The following CUX1 variants were observed in gnomAD, a reference collection of about 807,000 sequenced individuals.
CUX1 encodes the protein protein CASP.
In CUX1, 31 loss-of-function variants were observed where a neutral mutation model predicts 158.8. The observed-to-expected ratio is 0.20, with a 90% CI of 0.15 to 0.26. The LOEUF (loss-of-function observed/expected upper bound fraction) is 0.26. Among genes scored for constraint, CUX1 ranks in the 10% least tolerant of loss-of-function variants. The pLI is 1.00. For synonymous variants in CUX1, 879 were observed against 862.1 expected (o/e 1.02, Z -0.34); for missense variants, 1,589 against 2,014.6 (o/e 0.79, Z 4.04).
intron 17 of CUX1, 84 bp downstream of exon 17, chr7:102,200,256 A>ATTTT: frequency 1.1e-6 from 1 of 919,656 alleles, no homozygotes; most frequent in Non-Finnish European, 1.6e-6. Context: ...GTAATTAACT[A>ATTTT]TTTTTTTTTT....
In CUX1 at chr7:102,215,598, G is replaced by A. The variant is rs1796973317; in HGVS notation, c.3130+10428G>A. On this transcript the variant is annotated intron_variant, in intron 20 of 23. Coordinates refer to ENST00000292535, the MANE Select transcript of CUX1 (RefSeq NM_181552.4). ...ACAATTTCATCACAAATTAAGTAAAGCAGTATGGAGAGATTAGGAGGACGT... is the reference window on the plus strand; with the variant it reads ...ACAATTTCATCACAAATTAAGTAAAACAGTATGGAGAGATTAGGAGGACGT... 2.0e-5 allele frequency among the ~76,000 whole-genome samples: 3 copies of A among 152,188 alleles called. No homozygotes were observed. In the South Asian group the frequency reaches 6.2e-4, roughly 32 times the overall value.
chr7:102,264,273 TG>T (rs1202510963), intron 14 of CUX1, among the ~76,000 whole-genome samples: 1 of 152,148 alleles, frequency 6.6e-6, no homozygotes, highest in Non-Finnish European at 1.5e-5. Flanking sequence ...CCCAAAGTGC[TG>T]GGATTACAGG....
At chr7:101,867,107 C>G (rs1036171430) in intron 1 of CUX1, among the ~76,000 whole-genome samples, 1 of 152,092 alleles carries the variant, frequency 6.6e-6, no homozygotes, top group Non-Finnish European at 1.5e-5. Flanking sequence ...ATCCCACCTA[C>G]CCGGGAGGCT....
chr7:101,823,188 A>G (rs939324934), intron 1 of CUX1, among the ~76,000 whole-genome samples: 4 of 152,114 alleles, frequency 2.6e-5, no homozygotes, highest in African/African-American at 9.7e-5. Context: ...TCGTCGCCCA[A>G]TCCCTGGCTG....
intron 20 of CUX1, among the ~76,000 whole-genome samples, chr7:102,217,416 G>A (rs1015483623): frequency 1.3e-5 from 2 of 152,340 alleles, no homozygotes; most frequent in Admixed American, 1.3e-4. Flanking sequence ...GCAGGTTCCC[G>A]CCAACCACAG....
At chr7:101,973,749 ATTCTTT>A (rs779853795) in intron 2 of CUX1, among the ~76,000 whole-genome samples, 479 of 149,728 alleles carry the variant, frequency 3.2e-3, no homozygotes, top group South Asian at 6.4e-3. Flanking sequence ...CTTGCCCCAG[ATTCTTT>A]TTCTTTTTCT....
chr7:101,995,460 A>T (rs1815726931), intron 2 of CUX1, among the ~76,000 whole-genome samples: 1 of 152,198 alleles, frequency 6.6e-6, no homozygotes, highest in African/African-American at 2.4e-5. Flanking sequence ...GGTCTATCTT[A>T]CGCCTTTGGA....
At chr7:101,821,520 A>G (rs1239760424) in intron 1 of CUX1, among the ~76,000 whole-genome samples, 1 of 141,908 alleles carries the variant, frequency 7.0e-6, no homozygotes, top group South Asian at 2.2e-4. Context: ...TTGTATTTTT[A>G]GTAGAGACGG....
downstream of CUX1, among the ~76,000 whole-genome samples, chr7:102,262,762 T>C (rs1554544176): frequency 6.6e-6 from 1 of 152,148 alleles, no homozygotes; most frequent in Admixed American, 6.6e-5. Context: ...GGAATCCCGG[T>C]GCAACTTTCC....
chr7:101,991,092 T>C (rs1240886603), intron 2 of CUX1, among the ~76,000 whole-genome samples: 1 of 152,242 alleles, frequency 6.6e-6, no homozygotes, highest in African/African-American at 2.4e-5. Context: ...AGGCAGCATC[T>C]GTCCCTAGCC....
intron 18 of CUX1, 141 bp from the exon 19 acceptor site, chr7:102,204,250 C>T: frequency 9.3e-7 from 1 of 1,078,570 alleles, no homozygotes; most frequent in Non-Finnish European, 1.3e-6. Context: ...CACAAGCTGT[C>T]ACCGCCACCA....
intron 1 of CUX1, among the ~76,000 whole-genome samples, chr7:101,837,415 G>A (rs1794747169): frequency 6.6e-6 from 1 of 152,184 alleles, no homozygotes; most frequent in Admixed American, 6.6e-5. Context: ...CAGTGAGTCT[G>A]TCAACTCAGA....
At chr7:102,177,492 G>A (rs868929118) in intron 10 of CUX1, among the ~76,000 whole-genome samples, 1 of 151,922 alleles carries the variant, frequency 6.6e-6, no homozygotes, top group Non-Finnish European at 1.5e-5. Context: ...TCAGCTTCCG[G>A]GTAATTTAAC....
rs534986714 is a variant in CUX1, at chr7:101,833,562, TAAA to T, written c.30+15915_30+15917del. On this transcript the variant is annotated intron_variant, in intron 1 of 23. Transcript: ENST00000292535. ...AGAGCAAGAGGAAGACTCTGTCTCT[TAAA>T]AAAAAAAAAAAAAAAAAAAAAGAAT... 9.2e-5 allele frequency among the ~76,000 whole-genome samples: 7 copies of T among 75,804 alleles called. No homozygotes were observed. In the East Asian group the frequency reaches 1.2e-3, roughly 13 times the overall value. The allele number at this position is 75,804 out of a possible 152,430, so 49.7% of individuals were successfully genotyped here.
rs149933238 is a variant in CUX1 at position 101,863,831 on chromosome 7, T to C, written c.30+46162T>C. On this transcript the variant is annotated intron_variant, in intron 1 of 23. Coordinates refer to ENST00000292535, the MANE Select transcript of CUX1 (RefSeq NM_181552.4). ...TCTTTCTGTGACTGGCTCAGTTCAC[T>C]TAGCACAGTGTCAAAGTTCCTCCAT... 2.0e-5 allele frequency among the ~76,000 whole-genome samples: 3 copies of C among 152,334 alleles called. No homozygotes were observed. In the East Asian group the frequency reaches 5.8e-4, roughly 29 times the overall value.
rs528946281 is a variant in CUX1, at chr7:102,056,784, C to T, written c.190-13555C>T. On this transcript the variant is annotated intron_variant, in intron 3 of 23. Coordinates refer to ENST00000292535, the MANE Select transcript of CUX1 (RefSeq NM_181552.4). ...TGGGGTTTCACTATGTTGGCCAGGC[C>T]AGTCTTGAACTCCTGACCTCGTGAT... 2.2e-3 allele frequency among the ~76,000 whole-genome samples: 332 copies of T among 152,158 alleles called. 2 individuals carry two copies. The highest frequency in any genetic ancestry group is 0.014 in the Middle Eastern group (4 of 294).
At chr7:101,921,335 G>A (rs1310019078) in intron 2 of CUX1, among the ~76,000 whole-genome samples, 1 of 152,140 alleles carries the variant, frequency 6.6e-6, no homozygotes, top group Non-Finnish European at 1.5e-5. Flanking sequence ...TTTAGCTTAT[G>A]TTCGTTATTA....
At chr7:101,949,972 A>C (rs1808858938) in intron 2 of CUX1, among the ~76,000 whole-genome samples, 1 of 151,960 alleles carries the variant, frequency 6.6e-6, no homozygotes, top group African/African-American at 2.4e-5. Context: ...GGATGGGCTG[A>C]TTATTGCTCA....
intron 2 of CUX1, among the ~76,000 whole-genome samples, chr7:101,980,748 C>T (rs1016200238): frequency 1.3e-5 from 2 of 152,124 alleles, no homozygotes; most frequent in Non-Finnish European, 2.9e-5. Flanking sequence ...CTGTGACCCC[C>T]GGCCCAAGAA....
Sources: allele counts gnomAD v4.1 joint callset (sites outside exome capture counted in the v4.1 genomes callset), GRCh38; gene constraint gnomAD v4.1.1; transcripts MANE v1.5; gene names NCBI Gene and HGNC (gene_info 2026-07-23, HGNC 2026-07-21).